The following CPQ variants were observed in gnomAD, a reference collection of about 807,000 sequenced individuals.
CPQ encodes the protein carboxypeptidase Q.
CPQ carries 37 observed loss-of-function variants against 45.7 expected under a neutral mutation model. The ratio of observed to expected loss-of-function variants is 0.81; its 90% CI spans 0.62 to 1.07. The LOEUF (loss-of-function observed/expected upper bound fraction) is 1.07. Ranked by LOEUF, CPQ falls within the 50% of genes least tolerant of loss-of-function variation. CPQ has a pLI of 0.00. For missense variants in CPQ, 537 were observed against 572.9 expected (o/e 0.94, Z 0.64); for synonymous variants, 186 against 205.8 (o/e 0.90, Z 0.82).
intron 1 of CPQ, among the ~76,000 whole-genome samples, chr8:96,680,256 T>G (rs1406940873): frequency 6.6e-6 from 1 of 152,188 alleles, no homozygotes; most frequent in East Asian, 1.9e-4. Flanking sequence ...GATATATAGT[T>G]TTAGTTCATT....
At chr8:97,041,517 C>A (rs1810124960) in intron 6 of CPQ, among the ~76,000 whole-genome samples, 1 of 152,210 alleles carries the variant, frequency 6.6e-6, no homozygotes, top group Non-Finnish European at 1.5e-5. Flanking sequence ...ACTTCCAACA[C>A]TATGCTGAAT....
At chr8:97,065,182 A>G (rs1447258097) in intron 6 of CPQ, among the ~76,000 whole-genome samples, 1 of 151,848 alleles carries the variant, frequency 6.6e-6, no homozygotes, top group East Asian at 1.9e-4. Context: ...CTCCTGGGAA[A>G]CAGATGAGCT....
chr8:96,703,030 T>C (rs999965873), intron 1 of CPQ, among the ~76,000 whole-genome samples: 2 of 152,108 alleles, frequency 1.3e-5, no homozygotes, highest in Admixed American at 6.6e-5. Context: ...AATGAATCAA[T>C]AGATAGATAT....
chr8:96,894,754 A>C (rs1220578821), intron 4 of CPQ, among the ~76,000 whole-genome samples: 1 of 152,172 alleles, frequency 6.6e-6, no homozygotes, highest in Non-Finnish European at 1.5e-5. Context: ...TATCCAGAAA[A>C]GCCACTTCCC....
At chr8:96,733,000 G>A (rs562443860) in intron 1 of CPQ, among the ~76,000 whole-genome samples, 1 of 152,108 alleles carries the variant, frequency 6.6e-6, no homozygotes, top group Non-Finnish European at 1.5e-5. Flanking sequence ...ATTAATGGTA[G>A]GACTCAATGT....
At chr8:96,906,596 C>T (rs1812580580) in intron 4 of CPQ, among the ~76,000 whole-genome samples, 1 of 152,170 alleles carries the variant, frequency 6.6e-6, no homozygotes, top group Non-Finnish European at 1.5e-5. Context: ...TTATTTCTCA[C>T]AGTTTTGGTG....
At chr8:96,805,683 C>A (rs1354431250) in intron 2 of CPQ, among the ~76,000 whole-genome samples, 2 of 152,048 alleles carry the variant, frequency 1.3e-5, no homozygotes, top group Non-Finnish European at 2.9e-5. Context: ...GATTCCATTA[C>A]AATAATAATC....
chr8:96,880,705 A>G (rs763188965), intron 4 of CPQ, among the ~76,000 whole-genome samples: 8 of 151,844 alleles, frequency 5.3e-5, no homozygotes, highest in Admixed American at 1.3e-4. Flanking sequence ...GTTCTCACTT[A>G]CAAGTGGGAG....
chr8:96,864,123 G>A (rs908502516), intron 3 of CPQ, among the ~76,000 whole-genome samples: 5 of 151,986 alleles, frequency 3.3e-5, no homozygotes, highest in Admixed American at 6.6e-5. Context: ...GAGGGAGAGG[G>A]TGGTTTGTGC....
chr8:96,865,584 C>T (rs930456402), intron 3 of CPQ, among the ~76,000 whole-genome samples: 19 of 152,032 alleles, frequency 1.2e-4, no homozygotes, highest in African/African-American at 3.6e-4. Context: ...GGTTGCAACA[C>T]GGCCTTGCCT....
intron 4 of CPQ, among the ~76,000 whole-genome samples, chr8:96,891,703 G>C (rs577182735): frequency 1.3e-5 from 2 of 152,098 alleles, no homozygotes; most frequent in Non-Finnish European, 2.9e-5. Context: ...TTAAAATTTT[G>C]TATATACATA....
intron 1 of CPQ, among the ~76,000 whole-genome samples, chr8:96,722,983 T>C (rs1294284928): frequency 6.6e-6 from 1 of 152,178 alleles, no homozygotes; most frequent in Non-Finnish European, 1.5e-5. Context: ...CATATAAATA[T>C]TTAATGAGCG....
At chr8:96,724,204 C>T (rs1371439778) in intron 1 of CPQ, among the ~76,000 whole-genome samples, 1 of 152,052 alleles carries the variant, frequency 6.6e-6, no homozygotes, top group African/African-American at 2.4e-5. Context: ...TGTTTATAAT[C>T]TTTTGAAGTA....
At chr8:96,872,763 A>G (rs1413042859) in intron 3 of CPQ, among the ~76,000 whole-genome samples, 1 of 151,930 alleles carries the variant, frequency 6.6e-6, no homozygotes, top group African/African-American at 2.4e-5. Flanking sequence ...GGAAACTCAT[A>G]TATTTTGTGA....
chr8:96,697,804 G>A (rs1809405734), intron 1 of CPQ, among the ~76,000 whole-genome samples: 1 of 151,974 alleles, frequency 6.6e-6, no homozygotes, highest in East Asian at 1.9e-4. Context: ...CCAAACAAGT[G>A]AAAGATCTCT....
At chr8:96,976,247 C>CAA (rs55864086) in intron 5 of CPQ, among the ~76,000 whole-genome samples, 621 of 60,766 alleles carry the variant, frequency 0.01, 15 homozygotes, top group Middle Eastern at 0.058. Context: ...CAATAGCTGA[C>CAA]AAAAAAAAAA....
chr8:97,112,135 A>T (rs1811507303), intron 7 of CPQ, among the ~76,000 whole-genome samples: 1 of 148,344 alleles, frequency 6.7e-6, no homozygotes, highest in African/African-American at 2.5e-5. Context: ...TTAATGCCTT[A>T]TTTTTTATTA....
chr8:96,945,499 A>G (rs1813178011), intron 4 of CPQ, among the ~76,000 whole-genome samples: 1 of 152,152 alleles, frequency 6.6e-6, no homozygotes, highest in South Asian at 2.1e-4. Context: ...TTAAAAATCT[A>G]ATCTATCTAA....
At chr8:96,680,090 A>G (rs974416881) in intron 1 of CPQ, among the ~76,000 whole-genome samples, 9 of 152,194 alleles carry the variant, frequency 5.9e-5, no homozygotes, top group African/African-American at 2.2e-4. Flanking sequence ...CTTTTGCTGT[A>G]TCGAATAGGT....
Sources: gnomAD v4.1 joint callset for allele counts (sites outside exome capture counted in the v4.1 genomes callset) on GRCh38, gnomAD v4.1.1 for gene constraint, MANE v1.5 for transcripts, NCBI Gene and HGNC (gene_info 2026-07-23, HGNC 2026-07-21) for gene names.